The following OTUD7A variants were observed in gnomAD, a reference collection of about 807,000 sequenced individuals.
OTUD7A encodes OTU deubiquitinase 7A, also known as OTU domain-containing protein 7A.
OTUD7A carries 12 observed loss-of-function variants against 65.7 expected under a neutral mutation model. The ratio of observed to expected loss-of-function variants is 0.18; its 90% CI spans 0.12 to 0.30. The LOEUF (loss-of-function observed/expected upper bound fraction) is 0.30, where lower values mean the gene tolerates loss of function less well. Ranked by LOEUF, OTUD7A falls within the 10% of genes least tolerant of loss-of-function variation. The pLI is 1.00. For missense variants in OTUD7A, 1,148 were observed against 1,304.8 expected, an observed-to-expected ratio of 0.88 and a Z score of 1.85; for synonymous variants, 641 against 586.3, an observed-to-expected ratio of 1.09 and a Z score of -1.35.
intron 3 of OTUD7A, among the ~76,000 whole-genome samples, chr15:31,588,810 TCA>T (rs1889626478): frequency 1.3e-5 from 2 of 152,288 alleles, no homozygotes; most frequent in Admixed American, 1.3e-4. Flanking sequence ...GGGAAGTCCC[TCA>T]CAGCCGAGAC....
chr15:31,741,466 A>G (rs564833924), intron 1 of OTUD7A, among the ~76,000 whole-genome samples: 136 of 152,358 alleles, frequency 8.9e-4, no homozygotes, highest in African/African-American at 3.2e-3. Flanking sequence ...TGATGAATAC[A>G]TGGATATTCA....
chr15:31,610,763 A>G (rs866357041), intron 3 of OTUD7A, among the ~76,000 whole-genome samples: 108 of 150,998 alleles, frequency 7.2e-4, no homozygotes, highest in African/African-American at 2.4e-3. Context: ...CTGGGACTAC[A>G]GGCGCCCGCC....
chr15:31,766,780 T>A, intron 1 of OTUD7A: 1 of 1,612,910 alleles, frequency 6.2e-7, no homozygotes. Context: ...TGAATGAAGA[T>A]TCAACAGGAA....
rs556288454 is a variant in OTUD7A, at chr15:31,681,657, G to A, written c.-99-24580C>T. On this transcript the variant is annotated intron_variant, in intron 1 of 12. Coordinates refer to ENST00000307050, the MANE Select transcript of OTUD7A (RefSeq NM_001382637.1). ...TGACTGTGTTTCACTGTCTAATAAT[G>A]ACTGTCTAATTTCTCTCTGACAGTC... Among the ~76,000 whole-genome samples the A allele has an allele frequency of 2.6e-5, 4 of 151,826 alleles. No individual in the cohort carries two copies. The South Asian group carries it at 6.3e-4, about 24-fold the overall frequency.
At chr15:31,735,383 T>C (rs749820223) in intron 1 of OTUD7A, among the ~76,000 whole-genome samples, 13 of 151,868 alleles carry the variant, frequency 8.6e-5, no homozygotes, top group Non-Finnish European at 1.6e-4. Context: ...AAAAAATTAG[T>C]TGGGTGTGGT....
chr15:31,788,262 C>A (rs1420209577), intron 1 of OTUD7A, among the ~76,000 whole-genome samples: 1 of 152,160 alleles, frequency 6.6e-6, no homozygotes, highest in East Asian at 1.9e-4. Flanking sequence ...GATATGGTGT[C>A]ATCATGCCAA....
At chr15:31,835,825 G>C (rs1048656238) in intron 1 of OTUD7A, among the ~76,000 whole-genome samples, 3 of 151,512 alleles carry the variant, frequency 2.0e-5, no homozygotes, top group Non-Finnish European at 4.4e-5. Flanking sequence ...TACACACACA[G>C]ACACACACAC....
At position 31,634,633 on chromosome 15, in the gene OTUD7A, C is replaced by T. The variant is rs546215001; in HGVS notation, c.151+20463G>A. 5.9e-5 allele frequency among the ~76,000 whole-genome samples: 9 copies of T among 152,346 alleles called. No homozygotes were observed. The South Asian group carries it at 8.3e-4, about 14-fold the overall frequency. On this transcript the variant is annotated intron_variant, in intron 3 of 12. Coordinates refer to ENST00000307050, the MANE Select transcript of OTUD7A (RefSeq NM_001382637.1). ...GGCCTCCCTTCCTACAGGCTTCTCC[C>T]GGCACAGTGCCCATCTGCCCTGTAT...
At position 31,511,017 on chromosome 15, in the gene OTUD7A, A is replaced by ATATGTATAT. The variant is rs1566892548; in HGVS notation, c.894-7200_894-7199insATATACATA. Among the ~76,000 whole-genome samples, 2 of 22,288 alleles carry ATATGTATAT rather than the reference A, an allele frequency of 9.0e-5. 1 individual carries two copies. Among genetic ancestry groups the ATATGTATAT allele is most frequent in the African/African-American group, 7.1e-4 (2 of 2,810 alleles). 14.6% of individuals were successfully genotyped at this position (22,288 alleles called of 152,430 possible). ...ACATATGTATATCTATATGTAACAT[A>ATATGTATAT]CATGTATATCTATATGTAACATACA... On this transcript the variant is annotated intron_variant, in intron 8 of 12. Transcript: ENST00000307050.
At chr15:31,672,715 C>T (rs1344527865) in intron 1 of OTUD7A, among the ~76,000 whole-genome samples, 1 of 152,242 alleles carries the variant, frequency 6.6e-6, no homozygotes, top group Non-Finnish European at 1.5e-5. Flanking sequence ...GTCAAAACAT[C>T]TGGTGCCTTT....
rs2041175421 is a variant in OTUD7A, at chr15:31,483,653, T to G, written c.2443A>C (p.Ser815Arg). 8.5e-7 allele frequency: 1 copy of G among 1,170,542 alleles called. No individual in the cohort carries two copies. Among genetic ancestry groups the G allele is most frequent in the East Asian group, 3.9e-5 (1 of 25,332 alleles). The allele number at this position is 1,170,542 out of a possible 1,614,324, so 72.5% of individuals were successfully genotyped here. ...GCGGCGGCGCGCGCCGGGCTGTAGC[T>G]CTGCGACGACAGCGAGCGGTTCTGC... Reference protein sequence around the residue: ...PQQNRSLSSQSYSPARAAALR... With the variant: ...PQQNRSLSSQRYSPARAAALR... The change falls in exon 13 of 13, where the codon AGC becomes CGC. Residue 815 changes from serine to arginine, a missense_variant. Coordinates refer to ENST00000307050, the MANE Select transcript of OTUD7A (RefSeq NM_001382637.1).
intron 3 of OTUD7A, among the ~76,000 whole-genome samples, chr15:31,627,423 C>T (rs373193002): frequency 0.021 from 3,172 of 151,956 alleles, 105 homozygotes; most frequent in African/African-American, 0.073. Flanking sequence ...CATGAACTCA[C>T]CATTTTTTAT....
chr15:31,765,038 C>T (rs1334933137), intron 1 of OTUD7A, among the ~76,000 whole-genome samples: 1 of 145,586 alleles, frequency 6.9e-6, no homozygotes, highest in African/African-American at 2.4e-5. Flanking sequence ...AGGCACATAG[C>T]AGTTGCTAAA....
At chr15:31,585,054 T>C (rs1889489147) in intron 3 of OTUD7A, among the ~76,000 whole-genome samples, 1 of 152,178 alleles carries the variant, frequency 6.6e-6, no homozygotes, top group Admixed American at 6.5e-5. Context: ...TGCGCCTCCC[T>C]TTGTTGGTGA....
chr15:31,793,884 C>G (rs1305336206), intron 1 of OTUD7A, among the ~76,000 whole-genome samples: 3 of 152,168 alleles, frequency 2.0e-5, no homozygotes, highest in Non-Finnish European at 4.4e-5. Flanking sequence ...CTTGGTATTC[C>G]AGAGATGGTC....
At chr15:31,505,773 G>A (rs1325947865) in intron 8 of OTUD7A, among the ~76,000 whole-genome samples, 1 of 147,518 alleles carries the variant, frequency 6.8e-6, no homozygotes, top group Non-Finnish European at 1.5e-5. Context: ...TTTTTGAGGT[G>A]GAGTCTCACT....
At chr15:31,627,690 A>G (rs1222375208) in intron 3 of OTUD7A, among the ~76,000 whole-genome samples, 1 of 152,192 alleles carries the variant, frequency 6.6e-6, no homozygotes, top group Non-Finnish European at 1.5e-5. Flanking sequence ...TGGTTGAACT[A>G]GTTTACACTC....
chr15:31,778,837 C>T (rs1456766550), intron 1 of OTUD7A, among the ~76,000 whole-genome samples: 1 of 152,150 alleles, frequency 6.6e-6, no homozygotes, highest in African/African-American at 2.4e-5. Flanking sequence ...CCAGCCCCAT[C>T]ATCAAGTATA....
chr15:31,862,948 C>G lies in OTUD7A; in HGVS notation c.-100+7559G>C, dbSNP rs182405359. ...AAGCGAGCTACTTACTTTCTAGATA[C>G]AATGGGGGTACAGGTATTTGGTAAT... On this transcript the variant is annotated intron_variant, in intron 1 of 12. Transcript: ENST00000307050. 7.2e-5 allele frequency among the ~76,000 whole-genome samples: 11 copies of G among 152,296 alleles called. No individual in the cohort carries two copies. In the East Asian group the frequency reaches 1.9e-3, roughly 27 times the overall value.
Sources: gnomAD v4.1 joint callset for allele counts (sites outside exome capture counted in the v4.1 genomes callset) on GRCh38, gnomAD v4.1.1 for gene constraint, MANE v1.5 for transcripts, NCBI Gene and HGNC (gene_info 2026-07-23, HGNC 2026-07-21) for gene names.